ASAP1: variants seen among roughly 807,000 people sequenced by gnomAD.
ASAP1 encodes ArfGAP with SH3 domain, ankyrin repeat and PH domain 1.
In ASAP1, 43 loss-of-function variants were observed where a neutral mutation model predicts 145.2. The ratio of observed to expected loss-of-function variants is 0.30; its 90% CI spans 0.23 to 0.38. ASAP1 has a LOEUF of 0.38. ASAP1 is among the 10% of genes least tolerant of loss of function. The pLI is 1.00. For missense variants in ASAP1, 1,018 were observed against 1,355.3 expected (o/e 0.75, Z 3.91); for synonymous variants, 546 against 515.5 (o/e 1.06, Z -0.80).
chr8:130,380,092 G>C (rs1827696770), intron 2 of ASAP1, among the ~76,000 whole-genome samples: 1 of 152,186 alleles, frequency 6.6e-6, no homozygotes, highest in South Asian at 2.1e-4. Flanking sequence ...GGGCACCCCA[G>C]GTCTCAGGTT....
intron 1 of ASAP1, chr8:130,427,780 T>C (rs986245451): frequency 6.6e-6 from 1 of 152,184 alleles, no homozygotes; most frequent in African/African-American, 2.4e-5. Flanking sequence ...CCCCTTCAGT[T>C]TGAATATCCT....
intron 9 of ASAP1, among the ~76,000 whole-genome samples, chr8:130,177,978 G>A (rs1814082783): frequency 6.6e-6 from 1 of 152,126 alleles, no homozygotes; most frequent in Admixed American, 6.5e-5. Flanking sequence ...TGAAGTACCT[G>A]ATTAAGAATA....
At chr8:130,215,068 T>C (rs950205958) in intron 4 of ASAP1, among the ~76,000 whole-genome samples, 23 of 151,902 alleles carry the variant, frequency 1.5e-4, no homozygotes, top group Non-Finnish European at 2.9e-4. Context: ...GCCCGGCTAA[T>C]TTTTTGTATT....
chr8:130,216,018 A>AGG (rs748213972), intron 4 of ASAP1, among the ~76,000 whole-genome samples: 1 of 133,514 alleles, frequency 7.5e-6, no homozygotes, highest in Admixed American at 8.0e-5. Flanking sequence ...AGGAAAGGAA[A>AGG]AAGGAAAGGA....
chr8:130,217,926 C>T (rs770194610), intron 4 of ASAP1, among the ~76,000 whole-genome samples: 8 of 152,168 alleles, frequency 5.3e-5, no homozygotes, highest in South Asian at 2.1e-4. Flanking sequence ...TCCAATGAAA[C>T]GAAATGAGGC....
chr8:130,133,971 T>C (rs528239466), intron 15 of ASAP1, among the ~76,000 whole-genome samples: 1 of 152,242 alleles, frequency 6.6e-6, no homozygotes, highest in South Asian at 2.1e-4. Flanking sequence ...CTCGAAAAGC[T>C]CTTGGTCTCT....
intron 3 of ASAP1, among the ~76,000 whole-genome samples, chr8:130,245,971 A>T (rs1818825027): frequency 6.6e-6 from 1 of 152,152 alleles, no homozygotes; most frequent in South Asian, 2.1e-4. Context: ...GTGGTTCCCA[A>T]GCCTCATCTT....
chr8:130,356,012 C>T (rs1009433796), intron 3 of ASAP1, among the ~76,000 whole-genome samples: 6 of 152,150 alleles, frequency 3.9e-5, no homozygotes, highest in Non-Finnish European at 7.3e-5. Context: ...TTCCAAGTTC[C>T]TAAGTGACTA....
chr8:130,253,003 C>A (rs1352164265), intron 3 of ASAP1, among the ~76,000 whole-genome samples: 1 of 152,152 alleles, frequency 6.6e-6, no homozygotes, highest in Non-Finnish European at 1.5e-5. Flanking sequence ...GTTCTAAGAT[C>A]CTATAATGTC....
At chr8:130,363,440 C>A (rs1011098940) in intron 2 of ASAP1, among the ~76,000 whole-genome samples, 2 of 152,260 alleles carry the variant, frequency 1.3e-5, no homozygotes, top group African/African-American at 2.4e-5. Context: ...ACGTACCAGA[C>A]ACTTTGCTAA....
chr8:130,270,603 A>G (rs1190658686), intron 3 of ASAP1, among the ~76,000 whole-genome samples: 1 of 152,240 alleles, frequency 6.6e-6, no homozygotes, highest in Non-Finnish European at 1.5e-5. Flanking sequence ...GAACACAAAA[A>G]CTAAACCAAC....
chr8:130,437,684 A>C lies in ASAP1; in HGVS notation c.-28+5776T>G, dbSNP rs1830361298. The stretch of plus-strand genomic sequence containing the variant: ...CAGGACAAGTTTTTACAGAGGCAGA[A>C]GCCTTGACCAAAAATTCATGATTGG... On this transcript the variant is annotated intron_variant, in intron 1 of 29. Coordinates refer to ENST00000518721, the MANE Select transcript of ASAP1 (RefSeq NM_018482.4). Among the ~76,000 whole-genome samples, 8 of 152,370 alleles carry C rather than the reference A, an allele frequency of 5.3e-5. 1 individual carries two copies. Among genetic ancestry groups the C allele is most frequent in the Middle Eastern group, 3.4e-3 (1 of 292 alleles).
intron 3 of ASAP1, among the ~76,000 whole-genome samples, chr8:130,241,767 T>C (rs1274370935): frequency 6.6e-6 from 1 of 152,140 alleles, no homozygotes; most frequent in Non-Finnish European, 1.5e-5. Context: ...AGTTATTCTG[T>C]GAACTTTCTT....
intron 15 of ASAP1, among the ~76,000 whole-genome samples, chr8:130,133,512 C>T (rs1017457831): frequency 1.3e-5 from 2 of 151,834 alleles, no homozygotes; most frequent in Middle Eastern, 6.8e-3. Flanking sequence ...AAAAATTAGC[C>T]GGGCGCGGTG....
chr8:130,388,355 C>T (rs1005783128), intron 2 of ASAP1, among the ~76,000 whole-genome samples: 1 of 152,070 alleles, frequency 6.6e-6, no homozygotes, highest in Non-Finnish European at 1.5e-5. Flanking sequence ...TGGAGATCAG[C>T]GGTGGCTGTA....
In ASAP1 at chr8:130,054,322, A is replaced by G. The variant is rs563801641; in HGVS notation, c.*409T>C. On this transcript the variant is annotated 3_prime_UTR_variant, in exon 30 of 30. Transcript: ENST00000518721. ...GGAAAACAGAACCCACCTCTTTGCT[A>G]ATGTTGCATTTTCAGTAACACAATT... is the stretch of plus-strand genomic sequence containing the variant. 52 of 170,076 alleles carry G rather than the reference A, an allele frequency of 3.1e-4. 1 individual carries two copies. The highest frequency in any genetic ancestry group is 2.6e-3 in the Admixed American group (46 of 17,738). The allele number at this position is 170,076 out of a possible 1,614,324, so 10.5% of individuals were successfully genotyped here.
chr8:130,404,880 AAT>A (rs1185105639), intron 1 of ASAP1, among the ~76,000 whole-genome samples: 1 of 152,142 alleles, frequency 6.6e-6, no homozygotes, highest in African/African-American at 2.4e-5. Flanking sequence ...CCACAAAAGG[AAT>A]ATGTCTCCAT....
chr8:130,103,336 T>C (rs538362778), intron 24 of ASAP1, among the ~76,000 whole-genome samples: 14 of 152,204 alleles, frequency 9.2e-5, no homozygotes, highest in Middle Eastern at 3.4e-3. Flanking sequence ...ATTTTTTTCA[T>C]CTTTTCAAAA....
At chr8:130,145,864 T>C (rs2097628112) in intron 13 of ASAP1, among the ~76,000 whole-genome samples, 1 of 149,838 alleles carries the variant, frequency 6.7e-6, no homozygotes, top group African/African-American at 2.5e-5. Flanking sequence ...TTTTTTGAGA[T>C]GGGGTCTCAC....
Sources: gnomAD v4.1 joint callset for allele counts (sites outside exome capture counted in the v4.1 genomes callset) on GRCh38, gnomAD v4.1.1 for gene constraint, MANE v1.5 for transcripts, NCBI Gene and HGNC (gene_info 2026-07-23, HGNC 2026-07-21) for gene names.